The following LARS2 variants were observed in gnomAD, a reference collection of about 807,000 sequenced individuals.
The protein encoded by LARS2 is leucyl-tRNA synthetase 2, mitochondrial, also known as leucine--tRNA ligase, mitochondrial.
A neutral mutation model predicts 116.6 loss-of-function variants in LARS2; 81 were observed. The ratio of observed to expected loss-of-function variants is 0.69; its 90% CI spans 0.58 to 0.84. The LOEUF (loss-of-function observed/expected upper bound fraction) is 0.84. Among genes scored for constraint, LARS2 ranks in the 40% least tolerant of loss-of-function variants. The pLI is 0.00. For missense variants in LARS2, 968 were observed against 1,114.5 expected (o/e 0.87, Z 1.87); for synonymous variants, 396 against 407.2 (o/e 0.97, Z 0.33).
At chr3:45,442,138 G>A (rs147785574) in intron 6 of LARS2, among the ~76,000 whole-genome samples, 2 of 152,316 alleles carry the variant, frequency 1.3e-5, no homozygotes, top group East Asian at 3.9e-4. Flanking sequence ...GTGCATTAAC[G>A]TAGGCGTTGG....
At chr3:45,477,568 C>A (rs1699636965) in intron 10 of LARS2, among the ~76,000 whole-genome samples, 1 of 152,172 alleles carries the variant, frequency 6.6e-6, no homozygotes, top group Non-Finnish European at 1.5e-5. Flanking sequence ...AGGGGGAGCT[C>A]TCCAAAACAA....
chr3:45,498,211 A>C (rs909262675), intron 14 of LARS2, among the ~76,000 whole-genome samples: 4 of 152,322 alleles, frequency 2.6e-5, no homozygotes, highest in African/African-American at 9.6e-5. Flanking sequence ...ACATCCTGAG[A>C]CCGTCACAGC....
intron 15 of LARS2, 91 bp from the exon 16 acceptor site, chr3:45,513,044 T>TC: frequency 1.2e-6 from 1 of 862,224 alleles, no homozygotes; most frequent in African/African-American, 1.6e-5. Flanking sequence ...GGCAGCTACT[T>TC]CTGCCCATCC....
chr3:45,395,969 T>C (rs1698037049), intron 3 of LARS2, among the ~76,000 whole-genome samples: 1 of 152,354 alleles, frequency 6.6e-6, no homozygotes, highest in Admixed American at 6.5e-5. Context: ...CTAATGTAAC[T>C]TAATAGATTT....
rs777212439 is a variant in LARS2, at chr3:45,541,836, G to T, written c.2412G>T (p.Ala804=). The change falls in exon 21 of 22, where the codon GCG becomes GCT. Residue 804 remains alanine, a synonymous_variant. Coordinates refer to ENST00000645846, the MANE Select transcript of LARS2 (RefSeq NM_015340.4). ...HVTSEIWAGL[A]LVPRKLCAHY... ...TGTGCCTCGGCATTGCAGGCCTGGC[G>T]CTGGTGCCGAGGAAGCTCTGTGCCC... The T allele has an allele frequency of 2.5e-6, 4 of 1,614,014 alleles. No individual in the cohort carries two copies. In the Admixed American group the frequency reaches 5.0e-5, roughly 20 times the overall value.
intron 20 of LARS2, among the ~76,000 whole-genome samples, chr3:45,526,091 A>T (rs2125760404): frequency 6.6e-6 from 1 of 152,302 alleles, no homozygotes; most frequent in South Asian, 2.1e-4. Context: ...GATGGGAAAA[A>T]CTGAAATGTG....
In LARS2 at chr3:45,508,902, T is replaced by C. The variant is rs1700238178; in HGVS notation, c.1761-4233T>C. Among the ~76,000 whole-genome samples the C allele has an allele frequency of 2.6e-5, 4 of 151,104 alleles. 1 individual carries two copies. The highest frequency in any genetic ancestry group is 2.6e-4 in the Admixed American group (4 of 15,154). ...CCCCTCTTTCCCTGCCTCCCTCCCTTCCTTCTTTCCTTCTTCCAAGTGGGA... is the reference window on the plus strand; with the variant it reads ...CCCCTCTTTCCCTGCCTCCCTCCCTCCCTTCTTTCCTTCTTCCAAGTGGGA... On this transcript the variant is annotated intron_variant, in intron 15 of 21. Transcript: ENST00000645846.
chr3:45,543,454 T>TC (rs1700826034), intron 21 of LARS2, among the ~76,000 whole-genome samples: 1 of 149,290 alleles, frequency 6.7e-6, no homozygotes, highest in African/African-American at 2.5e-5. Flanking sequence ...CCCAGAATTT[T>TC]TTTTTTTTAT....
intron 19 of LARS2, 34 bp from the exon 20 acceptor site, chr3:45,523,963 C>T (rs775414553): frequency 6.7e-7 from 1 of 1,496,154 alleles, no homozygotes; most frequent in Admixed American, 1.7e-5. Flanking sequence ...ATTTTTACAC[C>T]TCAGTCTTCT....
chr3:45,433,748 G>C (rs1698758448), intron 6 of LARS2, among the ~76,000 whole-genome samples: 1 of 151,898 alleles, frequency 6.6e-6, no homozygotes. Flanking sequence ...CTTCTGCATA[G>C]AGAACTTTCT....
At chr3:45,430,644 G>T (rs1419055613) in intron 6 of LARS2, among the ~76,000 whole-genome samples, 5 of 142,178 alleles carry the variant, frequency 3.5e-5, no homozygotes, top group Non-Finnish European at 7.6e-5. Flanking sequence ...GAGTGCCGTG[G>T]CGCGATCTCA....
intron 8 of LARS2, among the ~76,000 whole-genome samples, chr3:45,459,503 A>G (rs960571731): frequency 1.3e-5 from 2 of 152,232 alleles, no homozygotes; most frequent in East Asian, 1.9e-4. Context: ...TTTCTCATCA[A>G]TACAATGAGC....
intron 7 of LARS2, among the ~76,000 whole-genome samples, chr3:45,452,246 G>GAAACA (rs1699142291): frequency 6.6e-6 from 1 of 152,114 alleles, no homozygotes; most frequent in Admixed American, 6.5e-5. Context: ...GGTGAAAGTG[G>GAAACA]TAATCCTTGT....
intron 20 of LARS2, among the ~76,000 whole-genome samples, chr3:45,540,755 T>C (rs1220524252): frequency 8.4e-6 from 1 of 119,128 alleles, no homozygotes; most frequent in African/African-American, 3.1e-5. Context: ...TGTCTATCTA[T>C]CTATCTATCT....
intron 8 of LARS2, among the ~76,000 whole-genome samples, chr3:45,460,395 C>G (rs561343303): frequency 3.4e-4 from 52 of 152,362 alleles, no homozygotes; most frequent in African/African-American, 1.2e-3. Context: ...TTGGACCTGT[C>G]AGATGATTCT....
intron 6 of LARS2, among the ~76,000 whole-genome samples, chr3:45,427,222 G>A (rs1698609320): frequency 6.6e-6 from 1 of 152,188 alleles, no homozygotes; most frequent in Admixed American, 6.5e-5. Context: ...GGCATCAGGA[G>A]TAGTATTTAA....
In LARS2 at chr3:45,524,071, T is replaced by C. The variant is rs1424953209; in HGVS notation, c.2367T>C (p.Ala789=). 3.1e-6 allele frequency: 5 copies of C among 1,613,730 alleles called. No individual in the cohort carries two copies. Among genetic ancestry groups the C allele is most frequent in the African/African-American group, 1.3e-5 (1 of 75,030 alleles). The change falls in exon 20 of 22, where the codon GCT becomes GCC. Residue 789 remains alanine, a synonymous_variant. Coordinates refer to ENST00000645846, the MANE Select transcript of LARS2 (RefSeq NM_015340.4). ...DALCALMVMA[A]PLAPHVTSEI... is the part of the protein sequence containing the mutation. ...TGTGTGCCCTGATGGTAATGGCTGC[T>C]CCACTGGCCCCTCATGTAACCTCAG...
chr3:45,484,647 ATT>A lies in LARS2; in HGVS notation c.1019-1043_1019-1042del, dbSNP rs1491316377. On this transcript the variant is annotated intron_variant, in intron 10 of 21. Transcript: ENST00000645846. Reference sequence around the variant, plus strand: ...AAAAAAAAAATATATATATATATATATTTAAAATAAGATGTTATTTTAAATAA... The same window carrying A: ...AAAAAAAAAATATATATATATATATATAAAATAAGATGTTATTTTAAATAA... 5.0e-5 allele frequency among the ~76,000 whole-genome samples: 5 copies of A among 99,014 alleles called. 2 individuals carry two copies. Among genetic ancestry groups the A allele is most frequent in the Non-Finnish European group, 8.4e-5 (4 of 47,728 alleles). 65.0% of individuals were successfully genotyped at this position (99,014 alleles called of 152,430 possible).
At chr3:45,479,059 G>A (rs1699658295) in intron 10 of LARS2, among the ~76,000 whole-genome samples, 1 of 152,040 alleles carries the variant, frequency 6.6e-6, no homozygotes, top group Non-Finnish European at 1.5e-5. Context: ...TGTCATGGCA[G>A]CACACAGTTG....
Sources: allele counts gnomAD v4.1 joint callset (sites outside exome capture counted in the v4.1 genomes callset), GRCh38; gene constraint gnomAD v4.1.1; transcripts MANE v1.5; gene names NCBI Gene and HGNC (gene_info 2026-07-23, HGNC 2026-07-21).